Variants in SCAF11 observed in about 807,000 individuals in gnomAD.
The protein encoded by SCAF11 is SR-related CTD associated factor 11.
SCAF11 carries 47 observed loss-of-function variants against 140.5 expected under a neutral mutation model. That is an observed-to-expected ratio of 0.33 (90% CI 0.26 to 0.43). The LOEUF is 0.43. Ranked by LOEUF, SCAF11 falls within the 20% of genes least tolerant of loss-of-function variation. The pLI is 1.00. For missense variants in SCAF11, 1,645 were observed against 1,705.1 expected (o/e 0.96, Z 0.62); for synonymous variants, 557 against 579.4 (o/e 0.96, Z 0.55).
At chr12:45,972,490 C>CA (rs1007874851) in intron 1 of SCAF11, among the ~76,000 whole-genome samples, 17 of 149,066 alleles carry the variant, frequency 1.1e-4, no homozygotes. Context: ...GTGACTGGGG[C>CA]AGGAGGATCC....
chr12:45,972,877 T>C lies in SCAF11; in HGVS notation c.-21-8689A>G, dbSNP rs1395893782. ...ATATATATATATCGATATATATATA[T>C]ATAGATATATATATAGATATATATA... On this transcript the variant is annotated intron_variant, in intron 1 of 14. Transcript: ENST00000369367. 1.3e-4 allele frequency among the ~76,000 whole-genome samples: 7 copies of C among 55,320 alleles called. 1 individual carries two copies. Among genetic ancestry groups the C allele is most frequent in the African/African-American group, 1.8e-4 (2 of 11,428 alleles). 36.3% of individuals were successfully genotyped at this position (55,320 alleles called of 152,430 possible).
In SCAF11 at chr12:45,964,928, A is replaced by AGTGTGT. The variant is rs71724498; in HGVS notation, c.-21-746_-21-741dup. On this transcript the variant is annotated intron_variant, in intron 1 of 14. Coordinates refer to ENST00000369367, the MANE Select transcript of SCAF11 (RefSeq NM_004719.3). ...CGGGTGAGAGAAAACAGTGGGTGAA[A>AGTGTGT]GTGTGTGTGTGTGTGTGTCTACTAA... Among the ~76,000 whole-genome samples the AGTGTGT allele has an allele frequency of 1.9e-4, 29 of 150,504 alleles. 1 individual carries two copies. The highest frequency in any genetic ancestry group is 6.6e-4 in the African/African-American group (27 of 41,078).
Position 45,934,266 on chromosome 12 carries a change from C to A in SCAF11, c.542G>T (p.Ser181Ile). Reference protein sequence around the residue: ...KINKPQRSNWSTNQCFRNFFS... With the variant: ...KINKPQRSNWITNQCFRNFFS... Reference sequence around the variant, plus strand: ...AAAATTTCTGAAGCACTGATTTGTACTCCAATTTGATCTCTGAGGCTAGAA... The same window carrying A: ...AAAATTTCTGAAGCACTGATTTGTAATCCAATTTGATCTCTGAGGCTAGAA... Residue 181 changes from serine to isoleucine, a missense_variant, in exon 8 of 15, where the codon AGT becomes ATT. Around this residue, in one of 2 missense-constraint regions of SCAF11, gnomAD observed 1,582 missense variants for 1,609.2 expected, o/e 0.98. Transcript: ENST00000369367. 6.2e-7 allele frequency: 1 copy of A among 1,609,272 alleles called. No individual in the cohort carries two copies. The highest frequency in any genetic ancestry group is 1.7e-4 in the Middle Eastern group (1 of 6,046).
chr12:45,927,876 G>A lies in SCAF11; in HGVS notation c.1825C>T (p.Pro609Ser). Reference protein sequence around the residue: ...TLKTEELIESPKLESSEGEII... With the variant: ...TLKTEELIESSKLESSEGEII... ...TCACCCTCAGAAGATTCTAACTTGG[G>A]GCTCTCTATAAGCTCCTCTGTTTTT... The change falls in exon 11 of 15, where the codon CCC (proline) becomes TCC (serine). Residue 609 changes from proline to serine, a missense_variant. Transcript: ENST00000369367. 2 of 1,613,468 alleles carry A rather than the reference G, an allele frequency of 1.2e-6. No individual in the cohort carries two copies. The highest frequency in any genetic ancestry group is 8.5e-7 in the Non-Finnish European group (1 of 1,179,900).
intron 1 of SCAF11, among the ~76,000 whole-genome samples, chr12:45,989,180 T>G (rs1401727455): frequency 6.6e-6 from 1 of 152,228 alleles, no homozygotes; most frequent in African/African-American, 2.4e-5. Context: ...TATTTTAAAA[T>G]GTACTGCCCT....
chr12:45,990,168 C>G lies in SCAF11; in HGVS notation c.-22+185G>C, dbSNP rs373548102. On this transcript the variant is annotated intron_variant, in intron 1 of 14. Coordinates refer to ENST00000369367, the MANE Select transcript of SCAF11 (RefSeq NM_004719.3). ...GCCCTCCCGGCCGCAGCCTCCCCCA[C>G]TTCGAGAGGTAGCTCCAACTTTCCT... is the stretch of plus-strand genomic sequence containing the variant. Among the ~76,000 whole-genome samples, 504 of 152,234 alleles carry G rather than the reference C, an allele frequency of 3.3e-3. 1 individual carries two copies. The highest frequency in any genetic ancestry group is 0.012 in the African/African-American group (482 of 41,536).
chr12:45,919,276 A>C lies in SCAF11; in HGVS notation c.*2772T>G, dbSNP rs1944651727. ...GGGCAATCACTGTGCTTCTGAAGCT[A>C]CATCTTTTGGATGGAACATTCCAGC... On this transcript the variant is annotated 3_prime_UTR_variant, in exon 15 of 15. Coordinates refer to ENST00000369367, the MANE Select transcript of SCAF11 (RefSeq NM_004719.3). The C allele has an allele frequency of 6.6e-6, 1 of 152,418 alleles. No homozygotes were observed. Among genetic ancestry groups the C allele is most frequent in the Admixed American group, 6.5e-5 (1 of 15,290 alleles). The allele number at this position is 152,418 out of a possible 1,614,324, so 9.4% of individuals were successfully genotyped here.
rs75369964 is a variant in SCAF11 at position 45,935,466 on chromosome 12, A to C, written c.464-961T>G. On this transcript the variant is annotated intron_variant, in intron 6 of 14. Coordinates refer to ENST00000369367, the MANE Select transcript of SCAF11 (RefSeq NM_004719.3). ...CTAAAAGATGATACGCTGATTTTTT[A>C]AAATGGCTTAAGAGGCAAGAAGTAA... 8.2e-3 allele frequency among the ~76,000 whole-genome samples: 1,242 copies of C among 152,296 alleles called. 9 individuals carry two copies. Among genetic ancestry groups the C allele is most frequent in the Non-Finnish European group, 0.013 (872 of 68,006 alleles).
At chr12:45,954,937 C>T (rs112966624) in intron 3 of SCAF11, 2 of 122,574 alleles carry the variant, frequency 1.6e-5, no homozygotes, top group Non-Finnish European at 3.9e-5. Context: ...AAGATTCCCC[C>T]CCTTTTTTTT....
intron 1 of SCAF11, among the ~76,000 whole-genome samples, chr12:45,970,436 A>C (rs1216446021): frequency 6.6e-6 from 1 of 152,118 alleles, no homozygotes; most frequent in Non-Finnish European, 1.5e-5. Flanking sequence ...TACCAATCCT[A>C]CTCCCAAGCC....
At position 45,926,685 on chromosome 12, in the gene SCAF11, C is replaced by G. The variant is rs766886408; in HGVS notation, c.3016G>C (p.Asp1006His). The G allele has an allele frequency of 2.1e-5, 34 of 1,613,438 alleles. No homozygotes were observed. In the East Asian group the frequency reaches 7.6e-4, roughly 36 times the overall value. ...TCAGCAGAATTTGGATCATCAGCAT[C>G]TAGATGGATGTCATTTTTTTCTTTT... Reference protein sequence around the residue: ...TRKEKNDIHLDADDPNSADKH... With the variant: ...TRKEKNDIHLHADDPNSADKH... The change falls in exon 11 of 15, where the codon GAT becomes CAT. Residue 1006 changes from aspartate to histidine, a missense_variant. Asp to His is a moderately conservative substitution (Grantham distance 81). Coordinates refer to ENST00000369367, the MANE Select transcript of SCAF11 (RefSeq NM_004719.3).
At chr12:45,981,166 C>T (rs1242932330) in intron 1 of SCAF11, among the ~76,000 whole-genome samples, 1 of 152,168 alleles carries the variant, frequency 6.6e-6, no homozygotes, top group East Asian at 1.9e-4. Flanking sequence ...CTGCCAACTA[C>T]CTTTTCAAGT....
chr12:45,932,844 A>T, intron 9 of SCAF11, among the ~76,000 whole-genome samples: 1 of 152,152 alleles, frequency 6.6e-6, no homozygotes, highest in East Asian at 1.9e-4. Context: ...GAATGATGAC[A>T]GATGTATTAC....
intron 6 of SCAF11, among the ~76,000 whole-genome samples, chr12:45,939,634 G>A (rs1004557552): frequency 2.6e-5 from 4 of 152,208 alleles, no homozygotes; most frequent in Middle Eastern, 3.2e-3. Context: ...GGAGGCGGAG[G>A]TTGCAGTGAG....
intron 1 of SCAF11, among the ~76,000 whole-genome samples, chr12:45,965,984 A>G (rs1945937717): frequency 6.6e-6 from 1 of 152,204 alleles, no homozygotes; most frequent in Non-Finnish European, 1.5e-5. Context: ...GAATCTAAAA[A>G]CTTTTTTTAA....
chr12:45,969,773 G>A (rs1415496262), intron 1 of SCAF11, among the ~76,000 whole-genome samples: 1 of 152,224 alleles, frequency 6.6e-6, no homozygotes. Context: ...GTCTTGCTCT[G>A]TCGTCCAGGC....
At chr12:45,940,662 A>T (rs1945274049) in intron 6 of SCAF11, among the ~76,000 whole-genome samples, 1 of 152,246 alleles carries the variant, frequency 6.6e-6, no homozygotes. Context: ...AAACTTTCTA[A>T]CAGATTACTT....
intron 1 of SCAF11, among the ~76,000 whole-genome samples, chr12:45,987,126 C>T (rs1037073571): frequency 1.3e-5 from 2 of 152,122 alleles, no homozygotes; most frequent in African/African-American, 4.8e-5. Context: ...TTTGGGAGGC[C>T]AAGGCGGGAT....
chr12:45,949,272 G>C (rs1592192293), intron 4 of SCAF11, among the ~76,000 whole-genome samples: 1 of 152,236 alleles, frequency 6.6e-6, no homozygotes, highest in East Asian at 1.9e-4. Context: ...TCAGTGCTTG[G>C]AATGTGGCTC....
Sources: gnomAD v4.1 joint callset for allele counts (sites outside exome capture counted in the v4.1 genomes callset) on GRCh38, gnomAD v4.1.1 for gene constraint, gnomAD v4.1.1 regional missense constraint, MANE v1.5 for transcripts, NCBI Gene and HGNC (gene_info 2026-07-23, HGNC 2026-07-21) for gene names.